RALGPS1: variants seen among roughly 807,000 people sequenced by gnomAD.
RALGPS1 encodes ras-specific guanine nucleotide-releasing factor RalGPS1.
Under a neutral mutation model 78.8 loss-of-function variants are expected in RALGPS1, and 19 were observed. The ratio of observed to expected loss-of-function variants is 0.24; its 90% CI spans 0.17 to 0.35. The LOEUF (loss-of-function observed/expected upper bound fraction) is 0.35, where lower values mean the gene tolerates loss of function less well. Among genes scored for constraint, RALGPS1 ranks in the 10% least tolerant of loss-of-function variants. The pLI, the probability that RALGPS1 is intolerant of heterozygous loss-of-function variation, is 1.00. For synonymous variants in RALGPS1, 228 were observed against 256.3 expected (o/e 0.89, Z 1.06); for missense variants, 454 against 688.3 (o/e 0.66, Z 3.81).
At chr9:127,013,565 T>C (rs2044547973) in intron 4 of RALGPS1, among the ~76,000 whole-genome samples, 1 of 152,100 alleles carries the variant, frequency 6.6e-6, no homozygotes, top group Admixed American at 6.5e-5. Context: ...TCCCCAGTGC[T>C]ACCCCTCAAC....
intron 2 of RALGPS1, among the ~76,000 whole-genome samples, chr9:126,964,279 G>A (rs1036336486): frequency 6.7e-6 from 1 of 149,344 alleles, no homozygotes; most frequent in Non-Finnish European, 1.5e-5. Flanking sequence ...TGAGGCAGGA[G>A]AATCACTTGA....
intron 2 of RALGPS1, among the ~76,000 whole-genome samples, chr9:126,964,945 CCTT>C (rs1185528391): frequency 6.6e-6 from 1 of 152,162 alleles, no homozygotes; most frequent in Non-Finnish European, 1.5e-5. Flanking sequence ...ACCACAAAAT[CCTT>C]CTTCGTGAGC....
chr9:127,136,200 A>T (rs1397918574), intron 8 of RALGPS1, among the ~76,000 whole-genome samples: 7 of 152,042 alleles, frequency 4.6e-5, no homozygotes, highest in African/African-American at 1.2e-4. Context: ...GTCTCTGCAC[A>T]CTCTCTGAGA....
At chr9:127,186,959 A>G (rs1358091946) in intron 11 of RALGPS1, among the ~76,000 whole-genome samples, 1 of 152,200 alleles carries the variant, frequency 6.6e-6, no homozygotes, top group Non-Finnish European at 1.5e-5. Context: ...AATCGGAGCT[A>G]GAGGCAGGAA....
Position 127,060,953 on chromosome 9 carries a change from T to C in RALGPS1, c.483+8014T>C, listed in dbSNP as rs1589261368. 3.3e-5 allele frequency among the ~76,000 whole-genome samples: 5 copies of C among 152,318 alleles called. No individual in the cohort carries two copies. The East Asian group carries it at 9.6e-4, about 29-fold the overall frequency. Reference sequence around the variant, plus strand: ...TATTTTGTCAGCCAGTCTTTAACCATCATGTGGATTTCCAACCCTGTATTT... The same window carrying C: ...TATTTTGTCAGCCAGTCTTTAACCACCATGTGGATTTCCAACCCTGTATTT... On this transcript the variant is annotated intron_variant, in intron 7 of 18. Transcript: ENST00000259351.
At position 127,091,683 on chromosome 9, in the gene RALGPS1, A is replaced by G. The variant is rs1182010215; in HGVS notation, c.610+22327A>G. 6.2e-7 allele frequency: 1 copy of G among 1,613,710 alleles called. No homozygotes were observed. The highest frequency in any genetic ancestry group is 1.3e-5 in the African/African-American group (1 of 74,958). ...CACTTTTCCTACCTGTGTAGACATC[A>G]TGATCTCTGTCCAGGGTGGTGAACT... On this transcript the variant is annotated intron_variant, in intron 8 of 18. Coordinates refer to ENST00000259351, the MANE Select transcript of RALGPS1 (RefSeq NM_014636.3). The surrounding 1 kb of genome is among the most constrained non-coding windows in gnomAD (Gnocchi z 4.3).
intron 1 of RALGPS1, among the ~76,000 whole-genome samples, chr9:126,946,926 C>T (rs1051473813): frequency 6.6e-6 from 1 of 152,062 alleles, no homozygotes; most frequent in Non-Finnish European, 1.5e-5. Context: ...TCTGCAGGCA[C>T]CTTGTTTTGG....
rs553238916 is a variant in RALGPS1, at chr9:126,996,885, A to T, written c.216+19140A>T. Among the ~76,000 whole-genome samples, 28 of 151,822 alleles carry T rather than the reference A, an allele frequency of 1.8e-4. No individual in the cohort carries two copies. The South Asian group carries it at 4.8e-3, about 26-fold the overall frequency. ...ATGCAAGGCTGGTTCAACATACACAAATCAATAAATGTAATCCAGCATATA... is the reference window on the plus strand; with the variant it reads ...ATGCAAGGCTGGTTCAACATACACATATCAATAAATGTAATCCAGCATATA... On this transcript the variant is annotated intron_variant, in intron 4 of 18. Coordinates refer to ENST00000259351, the MANE Select transcript of RALGPS1 (RefSeq NM_014636.3).
chr9:127,192,581 C>T (rs1018737628), intron 11 of RALGPS1, among the ~76,000 whole-genome samples: 12 of 151,952 alleles, frequency 7.9e-5, no homozygotes, highest in African/African-American at 2.7e-4. Flanking sequence ...GCTGGTGAGC[C>T]GGGGAGGTCG....
intron 11 of RALGPS1, among the ~76,000 whole-genome samples, chr9:127,182,178 T>TAAAA (rs74348799): frequency 7.1e-6 from 1 of 141,480 alleles, no homozygotes; most frequent in Non-Finnish European, 1.5e-5. Context: ...CCCATCTGTT[T>TAAAA]AAAAAAAAAA....
At chr9:127,069,009 G>A (rs1296026107) in intron 7 of RALGPS1, among the ~76,000 whole-genome samples, 4 of 152,162 alleles carry the variant, frequency 2.6e-5, no homozygotes, top group Non-Finnish European at 5.9e-5. Context: ...GTTTTAGCTA[G>A]TCCTCAATTT....
chr9:126,961,990 A>T (rs778749178), intron 1 of RALGPS1, among the ~76,000 whole-genome samples: 1 of 152,224 alleles, frequency 6.6e-6, no homozygotes, highest in African/African-American at 2.4e-5. Context: ...GCAGAATTCT[A>T]TGTGAAATCT....
At chr9:126,996,711 C>T (rs1448975079) in intron 4 of RALGPS1, among the ~76,000 whole-genome samples, 4 of 151,934 alleles carry the variant, frequency 2.6e-5, no homozygotes, top group Admixed American at 6.6e-5. Flanking sequence ...ATACCAAAGC[C>T]GGGCAGAGAC....
At chr9:127,207,306 T>C (rs940681587) in intron 14 of RALGPS1, among the ~76,000 whole-genome samples, 1 of 152,130 alleles carries the variant, frequency 6.6e-6, no homozygotes, top group African/African-American at 2.4e-5. Context: ...CAGACCCAGG[T>C]TCCCACAAGC....
At chr9:127,217,165 A>G in intron 18 of RALGPS1, 2 of 1,263,994 alleles carry the variant, frequency 1.6e-6, no homozygotes, top group Non-Finnish European at 2.0e-6. Context: ...AGTTTCATGT[A>G]TTGGCAGATG....
At chr9:126,987,801 G>A (rs919074937) in intron 4 of RALGPS1, among the ~76,000 whole-genome samples, 9 of 152,188 alleles carry the variant, frequency 5.9e-5, no homozygotes, top group Admixed American at 5.2e-4. Context: ...CTGGAGAAAC[G>A]ATGAAGGGGA....
At chr9:127,007,874 C>A (rs1459745271) in intron 4 of RALGPS1, among the ~76,000 whole-genome samples, 5 of 152,144 alleles carry the variant, frequency 3.3e-5, no homozygotes, top group Non-Finnish European at 7.4e-5. Context: ...ATTAGATTTG[C>A]ATGGCTTACA....
chr9:126,947,854 A>G (rs191156463), intron 1 of RALGPS1, among the ~76,000 whole-genome samples: 1 of 152,260 alleles, frequency 6.6e-6, no homozygotes, highest in East Asian at 1.9e-4. Context: ...CATGGCCCCT[A>G]CTATTACTCA....
intron 14 of RALGPS1, among the ~76,000 whole-genome samples, chr9:127,203,142 T>C (rs2061734650): frequency 6.6e-6 from 1 of 152,198 alleles, no homozygotes; most frequent in South Asian, 2.1e-4. Flanking sequence ...TGAGGTGTTT[T>C]TAAAAAGATG....
Sources: gnomAD v4.1 joint callset for allele counts (sites outside exome capture counted in the v4.1 genomes callset) on GRCh38, gnomAD v4.1.1 for gene constraint, Gnocchi (gnomAD v3.1) non-coding constraint, MANE v1.5 for transcripts, NCBI Gene and HGNC (gene_info 2026-07-23, HGNC 2026-07-21) for gene names.